Variants in BTN3A3 observed in about 807,000 individuals in gnomAD.
The protein encoded by BTN3A3 is butyrophilin 3.
A neutral mutation model predicts 43.2 loss-of-function variants in BTN3A3; 39 were observed. The ratio of observed to expected loss-of-function variants is 0.90; its 90% CI spans 0.70 to 1.18. The LOEUF (loss-of-function observed/expected upper bound fraction) is 1.18, where lower values mean the gene tolerates loss of function less well. Among genes scored for constraint, BTN3A3 ranks in the 50% most tolerant of loss-of-function variants. The pLI is 0.00. For synonymous variants in BTN3A3, 255 were observed against 272.7 expected, an observed-to-expected ratio of 0.93 and a Z score of 0.64; for missense variants, 631 against 722.8, an observed-to-expected ratio of 0.87 and a Z score of 1.46.
rs755196232 is a variant in BTN3A3 at position 26,452,425 on chromosome 6, A to T, written c.*14A>T. Reference sequence around the variant, plus strand: ...GCACTTTACTGATATTCATTCCATTATTCCATATGACAGTTGTTTTGAGTT... The same window carrying T: ...GCACTTTACTGATATTCATTCCATTTTTCCATATGACAGTTGTTTTGAGTT... On this transcript the variant is annotated 3_prime_UTR_variant, in exon 11 of 11. Transcript: ENST00000244519. 1.9e-6 allele frequency: 3 copies of T among 1,579,516 alleles called. No homozygotes were observed. The highest frequency in any genetic ancestry group is 2.6e-6 in the Non-Finnish European group (3 of 1,167,848).
chr6:26,447,708 A>G (rs987480350), intron 5 of BTN3A3, among the ~76,000 whole-genome samples: 2 of 152,180 alleles, frequency 1.3e-5, no homozygotes, highest in Non-Finnish European at 2.9e-5. Context: ...CTCAGGAGAT[A>G]GGCATTATCA....
Position 26,448,429 on chromosome 6 carries a change from G to C in BTN3A3, c.897G>C (p.Glu299Asp). The C allele has an allele frequency of 6.2e-7, 1 of 1,613,784 alleles. No individual in the cohort carries two copies. The highest frequency in any genetic ancestry group is 8.5e-7 in the Non-Finnish European group (1 of 1,179,904). Residue 299 changes from glutamate (E) to aspartate (D), a missense_variant, in exon 6 of 11, where the codon GAG becomes GAC. Glu to Asp is a conservative substitution (Grantham distance 45, BLOSUM62 2). This residue lies in a region of BTN3A3 where 551 missense variants were observed against 584.0 expected (regional missense o/e 0.94). Coordinates refer to ENST00000244519, the MANE Select transcript of BTN3A3 (RefSeq NM_006994.5). ...AAGAAATGGGATACGCTGCAACAGA[G>C]CAAGAAATAAGCCTAAGAGGTATCC... The part of the protein sequence containing the change: ...EMKEMGYAAT[E>D]QEISLREKLQ...
chr6:26,442,790 C>G (rs975724677), intron 1 of BTN3A3, among the ~76,000 whole-genome samples: 1 of 152,168 alleles, frequency 6.6e-6, no homozygotes, highest in Non-Finnish European at 1.5e-5. Context: ...TGTGCACATT[C>G]GAAATTTCAC....
chr6:26,451,617 G>C, intron 10 of BTN3A3, 58 bp from the exon 11 acceptor site: 1 of 1,563,178 alleles, frequency 6.4e-7, no homozygotes, highest in African/African-American at 1.4e-5. Context: ...GCATGCTGAG[G>C]CTCTGAAATC....
chr6:26,452,346 G>A lies in BTN3A3; in HGVS notation c.1690G>A (p.Val564Ile), dbSNP rs974101313. Residue 564 changes from valine to isoleucine, a missense_variant, in exon 11 of 11, where the codon GTC (valine) becomes ATC (isoleucine). Around this residue, in one of 2 missense-constraint regions of BTN3A3, gnomAD observed 551 missense variants for 584.0 expected, o/e 0.94. Transcript: ENST00000244519. ...TCTCCCTGCCCACCCTGGAGCTGAG[G>A]TCTCCCCTTCTGCAACAACCAATCA... ...LLLPAHPGAE[V>I]SPSATTNQNH... The A allele has an allele frequency of 2.5e-6, 4 of 1,611,120 alleles. No individual in the cohort carries two copies. Among genetic ancestry groups the A allele is most frequent in the Non-Finnish European group, 3.4e-6 (4 of 1,180,016 alleles).
intron 4 of BTN3A3, chr6:26,445,461 C>A: frequency 1.8e-6 from 1 of 550,012 alleles, no homozygotes; most frequent in South Asian, 2.3e-5. Context: ...TTTATGTCTC[C>A]GGAACAGATC....
Position 26,452,449 on chromosome 6 carries a change from T to G in BTN3A3, c.*38T>G, listed in dbSNP as rs1160628160. ...TATTCCATATGACAGTTGTTTTGAG[T>G]TTCGTACCACCTTATTGTCCCCTTA... On this transcript the variant is annotated 3_prime_UTR_variant, in exon 11 of 11. Coordinates refer to ENST00000244519, the MANE Select transcript of BTN3A3 (RefSeq NM_006994.5). The G allele has an allele frequency of 1.3e-6, 2 of 1,521,756 alleles. No individual in the cohort carries two copies. The highest frequency in any genetic ancestry group is 1.8e-6 in the Non-Finnish European group (2 of 1,134,736). 94.3% of individuals were successfully genotyped at this position (1,521,756 alleles called of 1,614,324 possible). A position where few individuals can be genotyped will look rare whatever the true frequency, so the allele number is the denominator to read the frequency against.
In BTN3A3 at chr6:26,448,719, C is replaced by A; in HGVS notation, c.938-9C>A. On this transcript the variant is annotated splice_polypyrimidine_tract_variant and intron_variant, in intron 7 of 10. Coordinates refer to ENST00000244519, the MANE Select transcript of BTN3A3 (RefSeq NM_006994.5). ...CCTTGATAACCCTTCCCTATTCATT[C>A]CATTGCAGAGTGGAGGAAAATCCAG... The A allele has an allele frequency of 6.2e-7, 1 of 1,614,016 alleles. No homozygotes were observed. The highest frequency in any genetic ancestry group is 8.5e-7 in the Non-Finnish European group (1 of 1,179,992).
rs922657477 is a variant in BTN3A3 at position 26,444,380 on chromosome 6, T to C, written c.433+76T>C. On this transcript the variant is annotated intron_variant, in intron 4 of 10. Coordinates refer to ENST00000244519, the MANE Select transcript of BTN3A3 (RefSeq NM_006994.5). Reference sequence around the variant, plus strand: ...AGATGCAGAGTCCCTCTTCCAAAAGTACTGCAGACACTCCTGGCTGCTCAC... The same window carrying C: ...AGATGCAGAGTCCCTCTTCCAAAAGCACTGCAGACACTCCTGGCTGCTCAC... The C allele has an allele frequency of 1.6e-4, 257 of 1,607,068 alleles. 1 individual carries two copies. The highest frequency in any genetic ancestry group is 9.0e-4 in the Middle Eastern group (4 of 4,420).
chr6:26,440,649 G>A lies in BTN3A3; in HGVS notation c.-67+1G>A, dbSNP rs1363935280. ...GATTTTCAGAGGGGAATACTAAGAA[G>A]TAAGTGGGGAATGTTGATTAGAGCC... On this transcript the variant is annotated splice_donor_variant, in intron 1 of 10. Coordinates refer to ENST00000244519, the MANE Select transcript of BTN3A3 (RefSeq NM_006994.5). LOFTEE classifies it low-confidence loss of function (5UTR_SPLICE). The A allele has an allele frequency of 6.6e-6, 1 of 152,298 alleles. No homozygotes were observed. The highest frequency in any genetic ancestry group is 1.5e-5 in the Non-Finnish European group (1 of 68,060). 9.4% of individuals were successfully genotyped at this position (152,298 alleles called of 1,614,324 possible). A position where few individuals can be genotyped will look rare whatever the true frequency, so the allele number is the denominator to read the frequency against.
intron 1 of BTN3A3, among the ~76,000 whole-genome samples, chr6:26,441,545 A>G (rs934329325): frequency 6.6e-6 from 1 of 151,856 alleles, no homozygotes. Flanking sequence ...ACTTTTGGGT[A>G]AAGCATACAA....
At chr6:26,442,889 C>G (rs909421727) in intron 1 of BTN3A3, among the ~76,000 whole-genome samples, 1 of 152,226 alleles carries the variant, frequency 6.6e-6, no homozygotes, top group Non-Finnish European at 1.5e-5. Context: ...GAGCCTTTAC[C>G]TATTGCTTAC....
chr6:26,449,564 G>A, intron 8 of BTN3A3, 98 bp from the exon 9 acceptor site: 1 of 1,345,598 alleles, frequency 7.4e-7, no homozygotes. Context: ...GAGTGGAATG[G>A]TCAAAAAGAA....
intron 1 of BTN3A3, among the ~76,000 whole-genome samples, chr6:26,442,572 A>C (rs1317236420): frequency 6.6e-6 from 1 of 151,862 alleles, no homozygotes; most frequent in Admixed American, 6.6e-5. Context: ...CAATAAATCA[A>C]CTCTTTTTAC....
chr6:26,442,062 C>T (rs952081753), intron 1 of BTN3A3, among the ~76,000 whole-genome samples: 1 of 152,126 alleles, frequency 6.6e-6, no homozygotes, highest in African/African-American at 2.4e-5. Context: ...AAGATCCAGG[C>T]GAGGGTGGAG....
chr6:26,445,117 T>A (rs1762740923), intron 4 of BTN3A3: 1 of 159,520 alleles, frequency 6.3e-6, no homozygotes, highest in African/African-American at 2.4e-5. Flanking sequence ...ATTGGGGTGG[T>A]CTTGTATTTC....
chr6:26,442,853 C>T (rs1305627766), intron 1 of BTN3A3, among the ~76,000 whole-genome samples: 3 of 152,212 alleles, frequency 2.0e-5, no homozygotes, highest in Non-Finnish European at 4.4e-5. Context: ...GTCCCATGAA[C>T]AAGATCACAC....
Position 26,452,657 on chromosome 6 carries a change from C to T in BTN3A3, c.*246C>T, listed in dbSNP as rs1463432990. The T allele has an allele frequency of 9.1e-6, 4 of 440,682 alleles. No individual in the cohort carries two copies. Among genetic ancestry groups the T allele is most frequent in the Admixed American group, 8.0e-5 (2 of 24,990 alleles). The allele number at this position is 440,682 out of a possible 1,614,324, so 27.3% of individuals were successfully genotyped here. A position where few individuals can be genotyped will look rare whatever the true frequency, so the allele number is the denominator to read the frequency against. The stretch of plus-strand genomic sequence containing the variant: ...TCCTTTAATCCTCACAACACCCTGT[C>T]GGGTAGTCATATTTTGCAAGTATGG... On this transcript the variant is annotated 3_prime_UTR_variant, in exon 11 of 11. Transcript: ENST00000244519.
In BTN3A3 at chr6:26,444,165, G is replaced by A. The variant is rs757781798; in HGVS notation, c.294G>A (p.Ser98=). The change falls in exon 4 of 11, where the codon TCG becomes TCA. Residue 98 remains serine, a synonymous_variant. Transcript: ENST00000244519. The stretch of plus-strand genomic sequence containing the variant: ...GTGCACCGTATCGAGGGAGAACTTC[G>A]ATTCTGCGGGATGGCATCACTGCAG... ...RQSAPYRGRT[S]ILRDGITAGK... is the part of the protein sequence containing the mutation. The A allele has an allele frequency of 1.6e-5, 26 of 1,611,948 alleles. No individual in the cohort carries two copies. The highest frequency in any genetic ancestry group is 2.7e-5 in the African/African-American group (2 of 74,862).
Sources: gnomAD v4.1 joint callset for allele counts (sites outside exome capture counted in the v4.1 genomes callset) on GRCh38, gnomAD v4.1.1 for gene constraint, gnomAD v4.1.1 regional missense constraint, MANE v1.5 for transcripts, NCBI Gene and HGNC (gene_info 2026-07-23, HGNC 2026-07-21) for gene names.